The following CELF4 variants were observed in gnomAD, a reference collection of about 807,000 sequenced individuals.
CELF4 encodes the protein CUGBP Elav-like family member 4.
A neutral mutation model predicts 59.9 loss-of-function variants in CELF4; 18 were observed. The observed-to-expected ratio is 0.30, with a 90% CI of 0.21 to 0.45. The LOEUF (loss-of-function observed/expected upper bound fraction) is 0.45. CELF4 is among the 20% of genes least tolerant of loss of function. The pLI is 1.00. For missense variants in CELF4, 456 were observed against 689.0 expected, an observed-to-expected ratio of 0.66 and a Z score of 3.79; for synonymous variants, 261 against 267.1, an observed-to-expected ratio of 0.98 and a Z score of 0.22.
At chr18:37,330,115 C>T (rs750363761) in intron 2 of CELF4, among the ~76,000 whole-genome samples, 3 of 152,212 alleles carry the variant, frequency 2.0e-5, no homozygotes, top group Non-Finnish European at 4.4e-5. Context: ...ACAGAGAACT[C>T]ACCAGTGAGC....
At chr18:37,543,621 C>A (rs1207837072) in intron 1 of CELF4, among the ~76,000 whole-genome samples, 1 of 152,206 alleles carries the variant, frequency 6.6e-6, no homozygotes, top group Non-Finnish European at 1.5e-5. Context: ...CTGGCTGGAA[C>A]CAGCAGCCGG....
chr18:37,513,378 T>C (rs1006684160), intron 1 of CELF4, among the ~76,000 whole-genome samples: 1 of 152,154 alleles, frequency 6.6e-6, no homozygotes, highest in African/African-American at 2.4e-5. Flanking sequence ...GTGAGCAAAC[T>C]GAGAGTTGGA....
Position 37,462,463 on chromosome 18 carries a change from A to G in CELF4, c.369+23062T>C, listed in dbSNP as rs114691078. On this transcript the variant is annotated intron_variant, in intron 2 of 12. Transcript: ENST00000420428. ...CAGGCATTGTCCGATTTTTCTCCCA[A>G]TCCTTCCCTGGTGGATGCACCCTGA... Among the ~76,000 whole-genome samples the G allele has an allele frequency of 3.8e-3, 570 of 151,980 alleles. 5 individuals are homozygous for G. Among genetic ancestry groups the G allele is most frequent in the African/African-American group, 0.013 (548 of 41,432 alleles).
At chr18:37,291,605 C>T (rs9675593) in intron 3 of CELF4, among the ~76,000 whole-genome samples, 1,699 of 152,226 alleles carry the variant, frequency 0.011, 19 homozygotes, top group African/African-American at 0.038. Flanking sequence ...TCAGGACTGC[C>T]GCAGGGCTGA....
chr18:37,308,398 C>T (rs1435198465), intron 3 of CELF4, among the ~76,000 whole-genome samples: 1 of 152,210 alleles, frequency 6.6e-6, no homozygotes, highest in Non-Finnish European at 1.5e-5. Context: ...CAGCCTGGAA[C>T]CCCCTGCAGC....
intron 3 of CELF4, among the ~76,000 whole-genome samples, chr18:37,304,690 A>C (rs9951885): frequency 0.73 from 111,061 of 152,140 alleles, 40,647 homozygotes; most frequent in Middle Eastern, 0.79. Context: ...GGGTGAGGAG[A>C]ACAGAACCAG....
chr18:37,284,992 C>A (rs373018723), intron 3 of CELF4, among the ~76,000 whole-genome samples: 177 of 152,330 alleles, frequency 1.2e-3, no homozygotes, highest in African/African-American at 4.0e-3. Flanking sequence ...CTCACTCCCT[C>A]TCTTCCCTCT....
chr18:37,390,757 T>A (rs1332086489), intron 2 of CELF4, among the ~76,000 whole-genome samples: 1 of 126,054 alleles, frequency 7.9e-6, no homozygotes, highest in Non-Finnish European at 1.6e-5. Context: ...GTGGACTACC[T>A]GCTGAAGAGC....
chr18:37,353,183 T>G (rs372537203), intron 2 of CELF4, among the ~76,000 whole-genome samples: 28 of 138,604 alleles, frequency 2.0e-4, no homozygotes, highest in Non-Finnish European at 3.3e-4. Flanking sequence ...ATTGCGCCAC[T>G]GCACTCCAGC....
In CELF4 at chr18:37,473,435, A is replaced by C. The variant is rs367709940; in HGVS notation, c.369+12090T>G. 4 of 152,174 alleles carry C rather than the reference A, an allele frequency of 2.6e-5. No individual in the cohort carries two copies. In the East Asian group the frequency reaches 5.8e-4, roughly 22 times the overall value. The allele number at this position is 152,174 out of a possible 1,614,324, so 9.4% of individuals were successfully genotyped here. On this transcript the variant is annotated intron_variant, in intron 2 of 12. Transcript: ENST00000420428. ...GCAGCCTTTGATTCTTCAATATTTA[A>C]GCCACACACAAAGGCACAGAAGGGC...
rs2154279966 is a variant in CELF4 at position 37,254,397 on chromosome 18, C to G, written c.1334-459G>C. Among the ~76,000 whole-genome samples the G allele has an allele frequency of 6.6e-6, 1 of 151,968 alleles. No individual in the cohort carries two copies. Among genetic ancestry groups the G allele is most frequent in the African/African-American group, 2.4e-5 (1 of 41,488 alleles). On this transcript the variant is annotated intron_variant, in intron 11 of 12. Transcript: ENST00000420428. This position sits in a 1 kb window ranked among gnomAD's most constrained non-coding sequence, Gnocchi z 5.1. ...CAGGGTGCCGGCCTGGGGAGAGAGACGAGTGCGAGGGGCCGGGAGGGAGGC... is the reference window on the plus strand; with the variant it reads ...CAGGGTGCCGGCCTGGGGAGAGAGAGGAGTGCGAGGGGCCGGGAGGGAGGC...
chr18:37,415,124 C>T (rs923715127), intron 2 of CELF4, among the ~76,000 whole-genome samples: 1 of 152,200 alleles, frequency 6.6e-6, no homozygotes, highest in Non-Finnish European at 1.5e-5. Flanking sequence ...CAGGCAGGAT[C>T]AGGAAAGGTT....
At chr18:37,353,030 G>A (rs1049984041) in intron 2 of CELF4, among the ~76,000 whole-genome samples, 4 of 152,092 alleles carry the variant, frequency 2.6e-5, no homozygotes, top group Non-Finnish European at 4.4e-5. Context: ...GACCATCCTG[G>A]CTAACACGGT....
At chr18:37,436,099 G>C (rs931845500) in intron 2 of CELF4, among the ~76,000 whole-genome samples, 2 of 152,122 alleles carry the variant, frequency 1.3e-5, no homozygotes, top group Admixed American at 6.5e-5. Context: ...GTCCTTTCTC[G>C]GGCAGGCTGG....
intron 2 of CELF4, among the ~76,000 whole-genome samples, chr18:37,397,878 G>T (rs544929551): frequency 5.3e-5 from 8 of 152,196 alleles, no homozygotes; most frequent in Non-Finnish European, 1.0e-4. Flanking sequence ...GGGTGGAGTG[G>T]GCGGGGGCAA....
intron 12 of CELF4, among the ~76,000 whole-genome samples, chr18:37,249,749 C>T (rs2154261926): frequency 6.6e-6 from 1 of 152,208 alleles, no homozygotes; most frequent in African/African-American, 2.4e-5. Flanking sequence ...CACTGACCGG[C>T]ATGGTGAAGT....
chr18:37,413,939 T>G (rs2099499086), intron 2 of CELF4, among the ~76,000 whole-genome samples: 1 of 152,088 alleles, frequency 6.6e-6, no homozygotes, highest in South Asian at 2.1e-4. Flanking sequence ...AGGGGCCACA[T>G]TAAGGCCTCC....
intron 3 of CELF4, among the ~76,000 whole-genome samples, chr18:37,293,352 G>C (rs2095455842): frequency 6.6e-6 from 1 of 152,114 alleles, no homozygotes; most frequent in South Asian, 2.1e-4. Flanking sequence ...GCAATTCTTG[G>C]CTTTCTTTAG....
chr18:37,265,021 ATGTG>A (rs1333976031), intron 9 of CELF4, among the ~76,000 whole-genome samples: 1 of 147,082 alleles, frequency 6.8e-6, no homozygotes, highest in Non-Finnish European at 1.5e-5. Flanking sequence ...ACGTGTGGGG[ATGTG>A]TGTGTACGTG....
Sources: allele counts gnomAD v4.1 joint callset (sites outside exome capture counted in the v4.1 genomes callset), GRCh38; gene constraint gnomAD v4.1.1; non-coding constraint Gnocchi (gnomAD v3.1); transcripts MANE v1.5; gene names NCBI Gene and HGNC (gene_info 2026-07-23, HGNC 2026-07-21).